The following SECISBP2L variants were observed in gnomAD, a reference collection of about 807,000 sequenced individuals.
SECISBP2L encodes SECIS binding protein 2 like, also known as selenocysteine insertion sequence-binding protein 2-like.
In SECISBP2L, 43 loss-of-function variants were observed where a neutral mutation model predicts 114.7. The ratio of observed to expected loss-of-function variants is 0.38; its 90% CI spans 0.29 to 0.48. The LOEUF is 0.48. SECISBP2L is among the 20% of genes least tolerant of loss of function. The pLI, the probability that SECISBP2L is intolerant of heterozygous loss-of-function variation, is 0.98. For synonymous variants in SECISBP2L, 451 were observed against 439.7 expected (o/e 1.03, Z -0.32); for missense variants, 1,136 against 1,301.1 (o/e 0.87, Z 1.95).
At position 49,028,552 on chromosome 15, in the gene SECISBP2L, T is replaced by G; in HGVS notation, c.795A>C (p.Glu265Asp). The change falls in exon 5 of 18, where the codon GAA becomes GAC. Residue 265 changes from glutamate (E) to aspartate (D), a missense_variant. Physicochemically the swap from Glu to Asp is conservative, Grantham distance 45 (BLOSUM62 2). Around this residue, in one of 2 missense-constraint regions of SECISBP2L, gnomAD observed 452 missense variants for 452.3 expected, o/e 1.00. Coordinates refer to ENST00000559471, the MANE Select transcript of SECISBP2L (RefSeq NM_001193489.2). ...AESSSEQGAS[E>D]ADIDSDSGYC... The stretch of plus-strand genomic sequence containing the variant: ...AACCACTATCACTGTCAATGTCGGC[T>G]TCACTAGCCCCCTGCTCACTAGAAG... 22 of 1,614,144 alleles carry G rather than the reference T, an allele frequency of 1.4e-5. No homozygotes were observed. Among genetic ancestry groups the G allele is most frequent in the Non-Finnish European group, 1.8e-5 (21 of 1,180,020 alleles).
intron 17 of SECISBP2L, among the ~76,000 whole-genome samples, chr15:48,995,095 C>G (rs541560749): frequency 5.9e-5 from 9 of 152,116 alleles, no homozygotes; most frequent in African/African-American, 2.2e-4. Context: ...AAAACATCAC[C>G]TCAATCTCTG....
chr15:49,021,468 T>G (rs1902638574), intron 7 of SECISBP2L, among the ~76,000 whole-genome samples: 1 of 152,184 alleles, frequency 6.6e-6, no homozygotes, highest in Non-Finnish European at 1.5e-5. Context: ...ATGCCTCTCT[T>G]AACCAGGACA....
chr15:49,033,062 C>G lies in SECISBP2L; in HGVS notation c.567G>C (p.Pro189=), dbSNP rs373568178. 3 of 1,613,650 alleles carry G rather than the reference C, an allele frequency of 1.9e-6. No homozygotes were observed. In the African/African-American group the frequency reaches 4.0e-5, roughly 22 times the overall value. The change falls in exon 4 of 18, where the codon CCG becomes CCC. Residue 189 remains proline (P), a synonymous_variant. Coordinates refer to ENST00000559471, the MANE Select transcript of SECISBP2L (RefSeq NM_001193489.2). ...LLQQHIKSKR[P]LVKNVATQKE... ...TCTGAGTAGCTACATTTTTCACCAG[C>G]GGCCTTTTGCTTTTTATGTGCTGTT...
rs529936223 is a variant in SECISBP2L at position 49,043,008 on chromosome 15, C to T, written c.24+3268G>A. On this transcript the variant is annotated intron_variant, in intron 1 of 17. Transcript: ENST00000559471. ...TACCATTGCACTCCAGCCTGGGTGA[C>T]AGAGTGAGACTCCGTCTCAAAAAGA... 1.5e-4 allele frequency among the ~76,000 whole-genome samples: 23 copies of T among 152,296 alleles called. No individual in the cohort carries two copies. In the South Asian group the frequency reaches 4.3e-3, roughly 29 times the overall value.
chr15:49,028,286 T>C (rs1166123103), intron 5 of SECISBP2L, 118 bp from the exon 6 acceptor site: 1 of 995,480 alleles, frequency 1.0e-6, no homozygotes, highest in African/African-American at 1.6e-5. Context: ...ATTATCATAC[T>C]TCTTCATAAA....
rs1246959931 is a variant in SECISBP2L, at chr15:49,035,388, G to A, written c.474C>T (p.Phe158=). 2 of 1,614,052 alleles carry A rather than the reference G, an allele frequency of 1.2e-6. No homozygotes were observed. The highest frequency in any genetic ancestry group is 2.2e-5 in the East Asian group (1 of 44,900). The change falls in exon 3 of 18, where the codon TTC becomes TTT. Residue 158 remains phenylalanine (F), a synonymous_variant. Coordinates refer to ENST00000559471, the MANE Select transcript of SECISBP2L (RefSeq NM_001193489.2). ...TTCTGCTTCGATGGCTGGACAATGG[G>A]AAGACCTGTCCAAGCTGACTTGGAC... The part of the protein sequence containing the change: ...TERPSQLGQV[F]PLSSHRSRNS...
chr15:49,027,123 T>A (rs1277061326), intron 7 of SECISBP2L, among the ~76,000 whole-genome samples: 1 of 152,244 alleles, frequency 6.6e-6, no homozygotes. Flanking sequence ...CATCCTTTTT[T>A]AACATATAAA....
Position 48,988,810 on chromosome 15 carries a change from A to G in SECISBP2L, c.*3434T>C, listed in dbSNP as rs1901911749. 2 of 225,416 alleles carry G rather than the reference A, an allele frequency of 8.9e-6. No individual in the cohort carries two copies. Among genetic ancestry groups the G allele is most frequent in the Non-Finnish European group, 9.2e-6 (1 of 109,220 alleles). The allele number at this position is 225,416 out of a possible 1,614,324, so 14.0% of individuals were successfully genotyped here. A position where few individuals can be genotyped will look rare whatever the true frequency, so the allele number is the denominator to read the frequency against. The stretch of plus-strand genomic sequence containing the variant: ...ACTAATTTTGCTAGTTTTTTATTAG[A>G]GCATTACAATTAAGACATTAAATTA... On this transcript the variant is annotated 3_prime_UTR_variant, in exon 18 of 18. Coordinates refer to ENST00000559471, the MANE Select transcript of SECISBP2L (RefSeq NM_001193489.2).
chr15:48,993,837 C>A (rs1595780156), intron 17 of SECISBP2L, among the ~76,000 whole-genome samples: 4 of 151,982 alleles, frequency 2.6e-5, no homozygotes, highest in South Asian at 4.2e-4. Flanking sequence ...AGATCTCTCA[C>A]CCCTGTATTT....
At chr15:49,001,175 C>T (rs916676081) in intron 14 of SECISBP2L, 78 bp from the exon 15 acceptor site, 18 of 877,984 alleles carry the variant, frequency 2.1e-5, no homozygotes, top group African/African-American at 3.4e-5. Flanking sequence ...AAGAAAATAT[C>T]TCTAAGAGAA....
rs1440676904 is a variant in SECISBP2L at position 48,996,517 on chromosome 15, T to C, written c.2473A>G (p.Met825Val). 4.3e-6 allele frequency: 7 copies of C among 1,614,158 alleles called. No individual in the cohort carries two copies. Among genetic ancestry groups the C allele is most frequent in the African/African-American group, 1.3e-5 (1 of 75,054 alleles). The change falls in exon 17 of 18, where the codon ATG (methionine) becomes GTG (valine). Residue 825 changes from methionine (M) to valine (V), a missense_variant. Around this residue, in one of 2 missense-constraint regions of SECISBP2L, gnomAD observed 684 missense variants for 848.7 expected, o/e 0.81. Coordinates refer to ENST00000559471, the MANE Select transcript of SECISBP2L (RefSeq NM_001193489.2). ...GCTTCCTCAGCCTGCTCCTGTTCCA[T>C]TGCTGCAACCATATCTTTATATGCT... is the stretch of plus-strand genomic sequence containing the variant. Reference protein sequence around the residue: ...RKAYKDMVAAMEQEQAEEALK... With the variant: ...RKAYKDMVAAVEQEQAEEALK...
intron 16 of SECISBP2L, among the ~76,000 whole-genome samples, chr15:48,997,846 G>A (rs1366301350): frequency 6.6e-6 from 1 of 152,082 alleles, no homozygotes; most frequent in African/African-American, 2.4e-5. Flanking sequence ...TCCAGCCTGG[G>A]CAACAAGAGT....
chr15:48,998,183 G>A (rs1450601516), intron 16 of SECISBP2L, among the ~76,000 whole-genome samples: 1 of 152,178 alleles, frequency 6.6e-6, no homozygotes, highest in Non-Finnish European at 1.5e-5. Context: ...CTACATTGCT[G>A]TAGAATAATA....
Position 49,019,470 on chromosome 15 carries a change from C to T in SECISBP2L, c.1118G>A (p.Ser373Asn). Residue 373 changes from serine to asparagine, a missense_variant, in exon 8 of 18, where the codon AGC (serine) becomes AAC (asparagine). Around this residue, in one of 2 missense-constraint regions of SECISBP2L, gnomAD observed 452 missense variants for 452.3 expected, o/e 1.00. Transcript: ENST00000559471. Reference protein sequence around the residue: ...LQKRPDNKHLSSSQSHRSDPN... With the variant: ...LQKRPDNKHLNSSQSHRSDPN... Reference sequence around the variant, plus strand: ...ATCGCTTCTATGGGATTGACTAGAGCTTAAATGCTTATTATCTGGTCTCTT... The same window carrying T: ...ATCGCTTCTATGGGATTGACTAGAGTTTAAATGCTTATTATCTGGTCTCTT... 1 of 1,508,214 alleles carries T rather than the reference C, an allele frequency of 6.6e-7. No homozygotes were observed. Among genetic ancestry groups the T allele is most frequent in the Non-Finnish European group, 8.8e-7 (1 of 1,135,660 alleles). The allele number at this position is 1,508,214 out of a possible 1,614,324, so 93.4% of individuals were successfully genotyped here.
In SECISBP2L at chr15:48,992,469, A is replaced by G. The variant is rs771619742; in HGVS notation, c.3081T>C (p.Thr1027=). ...TTTTTCCAAGCTGAAGGGTTTCCAT[A>G]GTTCTCTGGGTCTCTGAGACCCAAG... The part of the protein sequence containing the change: ...IESWVSETQR[T]METLQLGKTL... The change falls in exon 18 of 18, where the codon ACT becomes ACC. Residue 1027 remains threonine (T), a synonymous_variant. Transcript: ENST00000559471. 1 of 1,614,160 alleles carries G rather than the reference A, an allele frequency of 6.2e-7. No homozygotes were observed. The highest frequency in any genetic ancestry group is 8.5e-7 in the Non-Finnish European group (1 of 1,180,036).
intron 1 of SECISBP2L, among the ~76,000 whole-genome samples, chr15:49,043,334 T>G (rs1264341777): frequency 6.6e-6 from 1 of 152,156 alleles, no homozygotes; most frequent in Non-Finnish European, 1.5e-5. Context: ...CATGAAATCA[T>G]ACGTATTCAT....
chr15:48,992,716 T>C lies in SECISBP2L; in HGVS notation c.2834A>G (p.Glu945Gly). The change falls in exon 18 of 18, where the codon GAA (glutamate) becomes GGA (glycine). Residue 945 changes from glutamate (E) to glycine (G), a missense_variant. This residue lies in a region of SECISBP2L where 684 missense variants were observed against 848.7 expected (regional missense o/e 0.81). Coordinates refer to ENST00000559471, the MANE Select transcript of SECISBP2L (RefSeq NM_001193489.2). ...CCATTCCAGGTCATCTGGCTTCACT[T>C]CCTCTTTATCACTTGCTGTGGATTT... ...AGKSTASDKE[E>G]VKPDDLEWAS... The C allele has an allele frequency of 6.2e-7, 1 of 1,614,218 alleles. No homozygotes were observed. The highest frequency in any genetic ancestry group is 8.5e-7 in the Non-Finnish European group (1 of 1,180,032).
Position 49,028,692 on chromosome 15 carries a change from C to T in SECISBP2L, c.665-10G>A, listed in dbSNP as rs771755414. On this transcript the variant is annotated splice_polypyrimidine_tract_variant and intron_variant, in intron 4 of 17. Transcript: ENST00000559471. ...ATATCTGATGGGAAATCTACAAAGG[C>T]AAGGAAAGTTTGACAATTCTTTGTG... The T allele has an allele frequency of 6.2e-7, 1 of 1,603,340 alleles. No individual in the cohort carries two copies. The highest frequency in any genetic ancestry group is 1.7e-5 in the Admixed American group (1 of 59,834).
In SECISBP2L at chr15:49,027,455, A is replaced by G; in HGVS notation, c.945T>C (p.Thr315=). The change falls in exon 7 of 18, where the codon ACT becomes ACC. Residue 315 remains threonine, a synonymous_variant. Transcript: ENST00000559471. The part of the protein sequence containing the change: ...CAGGVNWSNV[T]CQATQKKPWM... ...AAGGTTTTTTCTGAGTTGCCTGGCA[A>G]GTTACATTGGACCAATTTACACCAC... 3.1e-6 allele frequency: 5 copies of G among 1,608,858 alleles called. No individual in the cohort carries two copies. Among genetic ancestry groups the G allele is most frequent in the Non-Finnish European group, 4.2e-6 (5 of 1,176,490 alleles).
Sources: allele counts gnomAD v4.1 joint callset (sites outside exome capture counted in the v4.1 genomes callset), GRCh38; gene constraint gnomAD v4.1.1; regional missense constraint gnomAD v4.1.1; transcripts MANE v1.5; gene names NCBI Gene and HGNC (gene_info 2026-07-23, HGNC 2026-07-21).